Variants in ZNF638 observed in about 807,000 individuals in gnomAD.
The protein encoded by ZNF638 is zinc finger protein 638.
Under a neutral mutation model 195.6 loss-of-function variants are expected in ZNF638, and 46 were observed. That is an observed-to-expected ratio of 0.24 (90% CI 0.19 to 0.30). The LOEUF (loss-of-function observed/expected upper bound fraction) is 0.30. Ranked by LOEUF, ZNF638 falls within the 10% of genes least tolerant of loss-of-function variation. The probability of loss-of-function intolerance (pLI) is 1.00; values close to 1 mark genes in which losing one functional copy is unlikely to be tolerated. For missense variants in ZNF638, 2,440 were observed against 2,325.3 expected (o/e 1.05, Z -1.01); for synonymous variants, 845 against 772.0 (o/e 1.09, Z -1.57).
At chr2:71,378,754 G>GTGAT (rs1422134716) in intron 8 of ZNF638, among the ~76,000 whole-genome samples, 1 of 152,188 alleles carries the variant, frequency 6.6e-6, no homozygotes, top group Admixed American at 6.5e-5. Context: ...CATTGAAAAG[G>GTGAT]TGATATATGA....
In ZNF638 at chr2:71,350,106, C is replaced by G. The variant is rs762633342; in HGVS notation, c.1152C>G (p.Pro384=). The G allele has an allele frequency of 6.2e-7, 1 of 1,614,004 alleles. No homozygotes were observed. The highest frequency in any genetic ancestry group is 8.5e-7 in the Non-Finnish European group (1 of 1,180,046). ...AGGCTGACATTCCCATTCGGTCTCC[C>G]TTTGGTATTGTGAAAGCATCCTGGC... is the stretch of plus-strand genomic sequence containing the variant. ...QSQADIPIRS[P]FGIVKASWLP... Residue 384 remains proline (P), a synonymous_variant, in exon 2 of 28, where the codon CCC becomes CCG. Transcript: ENST00000264447.
intron 8 of ZNF638, chr2:71,379,582 A>G (rs569389147): frequency 6.6e-6 from 1 of 152,326 alleles, no homozygotes; most frequent in Admixed American, 6.5e-5. Flanking sequence ...TATGCCAAAG[A>G]GAAGGGGAAA....
chr2:71,341,149 G>T (rs745472812), intron 1 of ZNF638, among the ~76,000 whole-genome samples: 2 of 152,084 alleles, frequency 1.3e-5, no homozygotes, highest in South Asian at 4.1e-4. Context: ...ATCTAATAGC[G>T]CTATCTTTTC....
chr2:71,341,438 G>T (rs1403880604), intron 1 of ZNF638, among the ~76,000 whole-genome samples: 1 of 152,062 alleles, frequency 6.6e-6, no homozygotes, highest in African/African-American at 2.4e-5. Context: ...TTCTAATTTT[G>T]TACAGTGTTT....
At chr2:71,370,811 A>G (rs2079296567) in intron 8 of ZNF638, among the ~76,000 whole-genome samples, 1 of 152,182 alleles carries the variant, frequency 6.6e-6, no homozygotes, top group African/African-American at 2.4e-5. Context: ...CCCCTCCAAC[A>G]TTTATTCTTT....
chr2:71,383,307 C>G (rs895844869), intron 10 of ZNF638, among the ~76,000 whole-genome samples: 6 of 152,068 alleles, frequency 3.9e-5, no homozygotes, highest in African/African-American at 1.2e-4. Context: ...AAGAGCGAGA[C>G]TCCACCTCAA....
chr2:71,360,249 T>C (rs2079086334), intron 3 of ZNF638, among the ~76,000 whole-genome samples: 1 of 152,256 alleles, frequency 6.6e-6, no homozygotes, highest in Admixed American at 6.5e-5. Flanking sequence ...TGCTTTATTA[T>C]ATCTTCATAC....
In ZNF638 at chr2:71,431,412, G is replaced by T. The variant is rs371899704; in HGVS notation, c.5736G>T (p.Ala1912=). ...ACTCTTCTTCAGGCAAATCAGTGGC[G>T]TCTGATGTCCCTGAGGGTAAAGTTA... The part of the protein sequence containing the change: ...TEDSSSGKSV[A]SDVPEELDFL... Residue 1912 remains alanine, a synonymous_variant, in exon 26 of 28, where the codon GCG becomes GCT. Coordinates refer to ENST00000264447, the MANE Select transcript of ZNF638 (RefSeq NM_014497.5). 2 of 1,613,708 alleles carry T rather than the reference G, an allele frequency of 1.2e-6. No homozygotes were observed. Among genetic ancestry groups the T allele is most frequent in the African/African-American group, 2.7e-5 (2 of 74,922 alleles).
intron 21 of ZNF638, among the ~76,000 whole-genome samples, chr2:71,421,567 T>C (rs2080433479): frequency 6.6e-6 from 1 of 152,184 alleles, no homozygotes; most frequent in South Asian, 2.1e-4. Context: ...TTCTTAAATA[T>C]GGTTAACATC....
At chr2:71,410,968 T>TCC (rs71402978) in intron 20 of ZNF638, among the ~76,000 whole-genome samples, 79 of 62,936 alleles carry the variant, frequency 1.3e-3, no homozygotes, top group African/African-American at 2.2e-3. Flanking sequence ...GAAGTTTTTC[T>TCC]CCCCACCCAC....
chr2:71,428,661 G>A lies in ZNF638; in HGVS notation c.5650+10G>A, dbSNP rs377538457. The A allele has an allele frequency of 9.1e-4, 1,461 of 1,608,246 alleles. 5 individuals carry two copies. Among genetic ancestry groups the A allele is most frequent in the Non-Finnish European group, 7.2e-4 (848 of 1,176,198 alleles). ...TTCCAGATGAGTGAAGGTAAAGCAG[G>A]ATTGTTGGAATGGGAAGGAAAGTTA... is the stretch of plus-strand genomic sequence containing the variant. On this transcript the variant is annotated intron_variant, in intron 25 of 27. Transcript: ENST00000264447.
At chr2:71,410,216 C>G (rs1212013316) in intron 20 of ZNF638, among the ~76,000 whole-genome samples, 1 of 152,238 alleles carries the variant, frequency 6.6e-6, no homozygotes, top group Non-Finnish European at 1.5e-5. Context: ...AGTCTTAACT[C>G]TGTCACCTGG....
chr2:71,350,162 A>C lies in ZNF638; in HGVS notation c.1208A>C (p.Lys403Thr). ...LPKFSHADAQ[K>T]MKRLPTPSMM... ...AAGTTTTCACATGCTGATGCCCAGA[A>C]GATGAAGAGACTTCCAACTCCTTCT... Residue 403 changes from lysine (K) to threonine (T), a missense_variant, in exon 2 of 28, where the codon AAG becomes ACG. Transcript: ENST00000264447. The C allele has an allele frequency of 6.2e-7, 1 of 1,613,534 alleles. No homozygotes were observed. Among genetic ancestry groups the C allele is most frequent in the Non-Finnish European group, 8.5e-7 (1 of 1,180,032 alleles).
intron 21 of ZNF638, among the ~76,000 whole-genome samples, chr2:71,420,609 TG>T (rs2080411272): frequency 6.6e-6 from 1 of 152,198 alleles, no homozygotes; most frequent in African/African-American, 2.4e-5. Flanking sequence ...ACTGGGATAT[TG>T]GGGCTGGAGG....
Position 71,350,026 on chromosome 2 carries a change from A to G in ZNF638, c.1072A>G (p.Asn358Asp). ...QERIPHEPVINSSNVHVGSRG... is the reference protein window; with the variant it reads ...QERIPHEPVIDSSNVHVGSRG... ...GCGGATCCCACATGAACCTGTGATT[A>G]ATTCATCTAACGTACATGTTGGATC... Residue 358 changes from asparagine to aspartate, a missense_variant, in exon 2 of 28, where the codon AAT becomes GAT. Around this residue, in one of 5 missense-constraint regions of ZNF638, gnomAD observed 305 missense variants for 283.6 expected, o/e 1.08. Transcript: ENST00000264447. 1.9e-6 allele frequency: 3 copies of G among 1,614,222 alleles called. No homozygotes were observed. Among genetic ancestry groups the G allele is most frequent in the Non-Finnish European group, 2.5e-6 (3 of 1,180,038 alleles).
intron 10 of ZNF638, among the ~76,000 whole-genome samples, chr2:71,389,742 A>G (rs924304853): frequency 1.3e-5 from 2 of 152,244 alleles, no homozygotes; most frequent in African/African-American, 2.4e-5. Context: ...CAAGGGCCTC[A>G]GGAGCCATTT....
intron 6 of ZNF638, 145 bp from the exon 7 acceptor site, chr2:71,368,237 A>G: frequency 1.6e-6 from 1 of 616,304 alleles, no homozygotes. Flanking sequence ...GGAGGTGGTG[A>G]AGGAAAAAGA....
rs957392093 is a variant in ZNF638 at position 71,392,096 on chromosome 2, C to G, written c.2378-4045C>G. On this transcript the variant is annotated intron_variant, in intron 10 of 27. Transcript: ENST00000264447. ...TGCAATCTGTGGCTGGGTTATGACC[C>G]TGAATGTCATAAGAATTTTCTTGAG... Among the ~76,000 whole-genome samples the G allele has an allele frequency of 2.0e-5, 3 of 152,166 alleles. No individual in the cohort carries two copies. The East Asian group carries it at 5.8e-4, about 29-fold the overall frequency.
In ZNF638 at chr2:71,423,264, C is replaced by T. The variant is rs1425448031; in HGVS notation, c.3750C>T (p.Phe1250=). ...LEESPSEAED[F]ISGITQTMVE... is the part of the protein sequence containing the mutation. ...AATCTCCATCTGAAGCAGAAGATTT[C>T]ATTTCTGGAATTACACAGACTATGG... Residue 1250 remains phenylalanine, a synonymous_variant, in exon 22 of 28, where the codon TTC becomes TTT. Coordinates refer to ENST00000264447, the MANE Select transcript of ZNF638 (RefSeq NM_014497.5). The T allele has an allele frequency of 6.2e-7, 1 of 1,613,980 alleles. No homozygotes were observed. Among genetic ancestry groups the T allele is most frequent in the Admixed American group, 1.7e-5 (1 of 60,004 alleles).
Sources: allele counts gnomAD v4.1 joint callset (sites outside exome capture counted in the v4.1 genomes callset), GRCh38; gene constraint gnomAD v4.1.1; regional missense constraint gnomAD v4.1.1; transcripts MANE v1.5; gene names NCBI Gene and HGNC (gene_info 2026-07-23, HGNC 2026-07-21).